The following MCM9 variants were observed in gnomAD, a reference collection of about 807,000 sequenced individuals.
MCM9 encodes the protein DNA helicase MCM9.
Under a neutral mutation model 72.8 loss-of-function variants are expected in MCM9, and 55 were observed. The ratio of observed to expected loss-of-function variants is 0.76; its 90% CI spans 0.61 to 0.95. The LOEUF (loss-of-function observed/expected upper bound fraction) is 0.95, where lower values mean the gene tolerates loss of function less well. Among genes scored for constraint, MCM9 ranks in the 40% least tolerant of loss-of-function variants. The probability of loss-of-function intolerance (pLI) is 0.00; values close to 1 mark genes in which losing one functional copy is unlikely to be tolerated. For missense variants in MCM9, 1,279 were observed against 1,377.0 expected (o/e 0.93, Z 1.13); for synonymous variants, 480 against 503.4 (o/e 0.95, Z 0.62).
intron 9 of MCM9, among the ~76,000 whole-genome samples, chr6:118,848,491 T>A (rs1280544185): frequency 1.3e-5 from 2 of 151,888 alleles, no homozygotes; most frequent in African/African-American, 2.4e-5. Context: ...ATGGCTTCTC[T>A]TGTTTACATC....
At chr6:118,887,869 T>C (rs2114431154) in intron 8 of MCM9, among the ~76,000 whole-genome samples, 1 of 152,144 alleles carries the variant, frequency 6.6e-6, no homozygotes, top group East Asian at 1.9e-4. Flanking sequence ...GAGGTTGAGG[T>C]GGGAAGATCA....
At chr6:118,934,154 G>A (rs1044415198) in intron 1 of MCM9, among the ~76,000 whole-genome samples, 19 of 152,086 alleles carry the variant, frequency 1.2e-4, no homozygotes, top group Admixed American at 1.2e-3. Context: ...GCCTAGTTAG[G>A]CTAGCATTTC....
At chr6:118,927,689 T>A (rs1309817939) in intron 3 of MCM9, among the ~76,000 whole-genome samples, 1 of 152,100 alleles carries the variant, frequency 6.6e-6, no homozygotes, top group Non-Finnish European at 1.5e-5. Context: ...TCTTACATAA[T>A]ATAAACTGTA....
intron 9 of MCM9, among the ~76,000 whole-genome samples, chr6:118,838,716 C>T (rs909242929): frequency 1.8e-4 from 28 of 152,296 alleles, no homozygotes; most frequent in Admixed American, 3.9e-4. Flanking sequence ...CCACTGTGCC[C>T]GGCCGAAAAT....
intron 3 of MCM9, among the ~76,000 whole-genome samples, chr6:118,928,074 G>C (rs1289201387): frequency 1.3e-5 from 2 of 152,210 alleles, no homozygotes; most frequent in East Asian, 3.9e-4. Context: ...TCTTCACTCT[G>C]CTCCTCAAAA....
At position 118,911,857 on chromosome 6, in the gene MCM9, G is replaced by A. The variant is rs185417403; in HGVS notation, c.1031-88C>T. On this transcript the variant is annotated intron_variant, in intron 7 of 13. Transcript: ENST00000619706. ...CAAAATATTACATAGTGTTTTTACTGTGTACTTTTACATAGGGTCGTTTGA... is the reference window on the plus strand; with the variant it reads ...CAAAATATTACATAGTGTTTTTACTATGTACTTTTACATAGGGTCGTTTGA... 100 of 978,748 alleles carry A rather than the reference G, an allele frequency of 1.0e-4. No individual in the cohort carries two copies. In the Admixed American group the frequency reaches 2.3e-3, roughly 22 times the overall value. The allele number at this position is 978,748 out of a possible 1,614,324, so 60.6% of individuals were successfully genotyped here.
intron 8 of MCM9, among the ~76,000 whole-genome samples, chr6:118,860,797 C>A (rs1776852168): frequency 6.6e-6 from 1 of 152,214 alleles, no homozygotes; most frequent in South Asian, 2.1e-4. Flanking sequence ...AATTTTTCCA[C>A]AGACCAGAGT....
intron 13 of MCM9, among the ~76,000 whole-genome samples, chr6:118,823,961 C>G (rs988949350): frequency 1.3e-5 from 2 of 149,598 alleles, no homozygotes; most frequent in African/African-American, 4.9e-5. Flanking sequence ...GAAAAAAAGC[C>G]CCCAAAATTA....
At chr6:118,829,397 A>T in intron 9 of MCM9, 147 bp from the exon 10 acceptor site, 2 of 693,872 alleles carry the variant, frequency 2.9e-6, no homozygotes, top group South Asian at 4.3e-5. Flanking sequence ...AGGAGATATC[A>T]CAAACATCAA....
chr6:118,887,237 TA>T (rs1440532964), intron 8 of MCM9, among the ~76,000 whole-genome samples: 1 of 152,114 alleles, frequency 6.6e-6, no homozygotes, highest in African/African-American at 2.4e-5. Flanking sequence ...TTTCAAAACA[TA>T]CTACACAAAC....
At chr6:118,917,467 T>G in intron 6 of MCM9, 94 bp downstream of exon 6, 1 of 1,201,436 alleles carries the variant, frequency 8.3e-7, no homozygotes, top group South Asian at 1.3e-5. Context: ...CATTGAGTTA[T>G]GCGGCATATA....
chr6:118,851,945 T>C (rs548740001), intron 9 of MCM9, among the ~76,000 whole-genome samples: 10 of 152,330 alleles, frequency 6.6e-5, no homozygotes, highest in African/African-American at 2.4e-4. Flanking sequence ...TATACAGTTA[T>C]AGGTTGCTTA....
At chr6:118,843,708 G>GTATATATATGTATA (rs1775649541) in intron 9 of MCM9, among the ~76,000 whole-genome samples, 3 of 59,152 alleles carry the variant, frequency 5.1e-5, no homozygotes, top group African/African-American at 2.7e-4. Context: ...ATATATGTAT[G>GTATATATATGTATA]TATATATATA....
At chr6:118,855,571 A>G (rs887567285) in intron 9 of MCM9, among the ~76,000 whole-genome samples, 3 of 151,942 alleles carry the variant, frequency 2.0e-5, no homozygotes, top group Non-Finnish European at 4.4e-5. Flanking sequence ...ATACAAATAG[A>G]TCTCATAGAA....
intron 8 of MCM9, among the ~76,000 whole-genome samples, chr6:118,891,585 A>G (rs1397475378): frequency 6.6e-6 from 1 of 151,986 alleles, no homozygotes; most frequent in Non-Finnish European, 1.5e-5. Flanking sequence ...GCTTCTCTGT[A>G]AATCTAAATT....
chr6:118,900,322 C>G (rs1174359628), intron 8 of MCM9, among the ~76,000 whole-genome samples: 1 of 152,026 alleles, frequency 6.6e-6, no homozygotes, highest in African/African-American at 2.4e-5. Context: ...ATAGGGCTGC[C>G]CTTCCAAAGT....
At chr6:118,851,830 C>T (rs1379862371) in intron 9 of MCM9, among the ~76,000 whole-genome samples, 2 of 152,294 alleles carry the variant, frequency 1.3e-5, no homozygotes, top group East Asian at 3.9e-4. Flanking sequence ...AGTAATACCA[C>T]AATAACAATG....
At chr6:118,839,745 A>G (rs1234460045) in intron 9 of MCM9, among the ~76,000 whole-genome samples, 1 of 152,224 alleles carries the variant, frequency 6.6e-6, no homozygotes, top group Non-Finnish European at 1.5e-5. Flanking sequence ...GGGTATCACC[A>G]GCAGAGACTG....
At chr6:118,856,943 A>G (rs1403455303) in intron 8 of MCM9, among the ~76,000 whole-genome samples, 1 of 152,222 alleles carries the variant, frequency 6.6e-6, no homozygotes, top group Non-Finnish European at 1.5e-5. Context: ...TTTTAAAGAG[A>G]AGGGCATAAA....
Sources: gnomAD v4.1 joint callset for allele counts (sites outside exome capture counted in the v4.1 genomes callset) on GRCh38, gnomAD v4.1.1 for gene constraint, MANE v1.5 for transcripts, NCBI Gene and HGNC (gene_info 2026-07-23, HGNC 2026-07-21) for gene names.